The following PCYOX1 variants were observed in gnomAD, a reference collection of about 807,000 sequenced individuals.
The protein encoded by PCYOX1 is prenylcysteine oxidase 1.
Under a neutral mutation model 46.4 loss-of-function variants are expected in PCYOX1, and 46 were observed. That is an observed-to-expected ratio of 0.99 (90% CI 0.78 to 1.27). The LOEUF is 1.27. PCYOX1 is among the 50% of genes most tolerant of loss of function. The pLI is 0.00. For missense variants in PCYOX1, 658 were observed against 628.3 expected (o/e 1.05, Z -0.51); for synonymous variants, 220 against 231.8 (o/e 0.95, Z 0.46).
chr2:70,275,376 G>T, intron 4 of PCYOX1, 138 bp from the exon 5 acceptor site: 1 of 906,448 alleles, frequency 1.1e-6, no homozygotes. Flanking sequence ...TTCTTAACTG[G>T]GGGAGATTTT....
At chr2:70,269,724 G>A (rs1482598191) in intron 3 of PCYOX1, among the ~76,000 whole-genome samples, 1 of 151,938 alleles carries the variant, frequency 6.6e-6, no homozygotes, top group Admixed American at 6.6e-5. Flanking sequence ...AATTGCCACA[G>A]ATTTTTTTTT....
chr2:70,264,297 A>G (rs928667502), intron 3 of PCYOX1, among the ~76,000 whole-genome samples: 1 of 147,422 alleles, frequency 6.8e-6, no homozygotes, highest in African/African-American at 2.5e-5. Flanking sequence ...CTTGCTTGAG[A>G]TGTAGAGAAT....
intron 3 of PCYOX1, among the ~76,000 whole-genome samples, chr2:70,267,824 T>G (rs930961519): frequency 6.6e-6 from 1 of 151,840 alleles, no homozygotes; most frequent in East Asian, 1.9e-4. Context: ...AGCTGTTTTT[T>G]GTTTTGAGAC....
In PCYOX1 at chr2:70,278,954, C is replaced by T. The variant is rs182370221; in HGVS notation, c.*1562C>T. 7 of 152,026 alleles carry T rather than the reference C, an allele frequency of 4.6e-5. No homozygotes were observed. The East Asian group carries it at 9.7e-4, about 21-fold the overall frequency. The allele number at this position is 152,026 out of a possible 1,614,324, so 9.4% of individuals were successfully genotyped here. The stretch of plus-strand genomic sequence containing the variant: ...TACAAAAAATTTTTAAAAAGTTGGC[C>T]AGGCATGGTAATGCGCGCCTGTGGT... On this transcript the variant is annotated 3_prime_UTR_variant, in exon 6 of 6. Transcript: ENST00000433351.
intron 2 of PCYOX1, 82 bp from the exon 3 acceptor site, chr2:70,261,130 A>G (rs941578687): frequency 1.1e-5 from 9 of 813,370 alleles, no homozygotes; most frequent in Non-Finnish European, 1.8e-5. Flanking sequence ...AACTGAGGGA[A>G]GCCCCAAATT....
chr2:70,260,649 A>G (rs1313723856), intron 2 of PCYOX1, among the ~76,000 whole-genome samples: 1 of 152,268 alleles, frequency 6.6e-6, no homozygotes, highest in African/African-American at 2.4e-5. Context: ...GGAGCTGGAT[A>G]GGTCATGGGG....
chr2:70,263,837 T>A (rs1005542335), intron 3 of PCYOX1, among the ~76,000 whole-genome samples: 4 of 151,874 alleles, frequency 2.6e-5, no homozygotes, highest in Non-Finnish European at 5.9e-5. Flanking sequence ...TTTTTTGTAT[T>A]TTTAGTAGAG....
chr2:70,260,205 A>C (rs1294752587), intron 2 of PCYOX1, among the ~76,000 whole-genome samples: 1 of 152,180 alleles, frequency 6.6e-6, no homozygotes. Context: ...TTTGCAGCTG[A>C]GTAAATGAGA....
rs755213800 is a variant in PCYOX1, at chr2:70,259,594, C to T, written c.319+28C>T. 8.7e-6 allele frequency: 13 copies of T among 1,493,888 alleles called. No individual in the cohort carries two copies. In the South Asian group the frequency reaches 1.4e-4, roughly 16 times the overall value. The allele number at this position is 1,493,888 out of a possible 1,614,324, so 92.5% of individuals were successfully genotyped here. ...ATGTAATTTTGGTCTTGGAGCTCACCAGATTACTGTGTGACATCCCCGGAT... is the reference window on the plus strand; with the variant it reads ...ATGTAATTTTGGTCTTGGAGCTCACTAGATTACTGTGTGACATCCCCGGAT... On this transcript the variant is annotated intron_variant, in intron 2 of 5. Transcript: ENST00000433351.
chr2:70,274,843 C>A lies in PCYOX1; in HGVS notation c.495-116C>A, dbSNP rs1313648067. 27 of 714,202 alleles carry A rather than the reference C, an allele frequency of 3.8e-5. No individual in the cohort carries two copies. The East Asian group carries it at 6.1e-4, about 16-fold the overall frequency. The allele number at this position is 714,202 out of a possible 1,614,324, so 44.2% of individuals were successfully genotyped here. The stretch of plus-strand genomic sequence containing the variant: ...CCTCCCAAAGTGTGGGGATTATAGG[C>A]GTGAGCCACTGCACCTAGATGTCAG... On this transcript the variant is annotated intron_variant, in intron 3 of 5. Transcript: ENST00000433351.
chr2:70,276,939 T>C lies in PCYOX1; in HGVS notation c.1065T>C (p.Ser355=). 1 of 1,611,906 alleles carries C rather than the reference T, an allele frequency of 6.2e-7. No homozygotes were observed. Among genetic ancestry groups the C allele is most frequent in the Non-Finnish European group, 8.5e-7 (1 of 1,177,986 alleles). Residue 355 remains serine, a synonymous_variant, in exon 6 of 6, where the codon TCT becomes TCC. Coordinates refer to ENST00000433351, the MANE Select transcript of PCYOX1 (RefSeq NM_016297.4). ...TAGTTAAGGGGGAATTGAATACATC[T>C]ATCTTTAGCTCTAGACCCATAGATA... is the stretch of plus-strand genomic sequence containing the variant. ...TTLVKGELNT[S]IFSSRPIDKF...
At chr2:70,271,007 G>A (rs1215693484) in intron 3 of PCYOX1, among the ~76,000 whole-genome samples, 2 of 152,138 alleles carry the variant, frequency 1.3e-5, no homozygotes, top group Non-Finnish European at 2.9e-5. Flanking sequence ...GATTACAGGC[G>A]TGAGCCACTG....
chr2:70,264,198 C>T (rs1355680303), intron 3 of PCYOX1, among the ~76,000 whole-genome samples: 2 of 151,158 alleles, frequency 1.3e-5, no homozygotes, highest in African/African-American at 4.9e-5. Context: ...TTCCTGGGCT[C>T]GAGTGTTCCA....
At chr2:70,272,214 C>T (rs1426488688) in intron 3 of PCYOX1, among the ~76,000 whole-genome samples, 3 of 150,966 alleles carry the variant, frequency 2.0e-5, no homozygotes, top group African/African-American at 7.3e-5. Context: ...GCAACCTCTA[C>T]CTCCCAGGTT....
chr2:70,266,632 C>G (rs953207942), intron 3 of PCYOX1, among the ~76,000 whole-genome samples: 42 of 151,942 alleles, frequency 2.8e-4, no homozygotes, highest in African/African-American at 9.4e-4. Flanking sequence ...GTGTTTGTGT[C>G]CCTGGGTACT....
chr2:70,264,078 T>C (rs1324504661), intron 3 of PCYOX1, among the ~76,000 whole-genome samples: 2 of 149,634 alleles, frequency 1.3e-5, no homozygotes, highest in African/African-American at 4.9e-5. Flanking sequence ...TCTGCCTACC[T>C]TAGCCTCTGT....
intron 3 of PCYOX1, 108 bp downstream of exon 3, chr2:70,261,494 C>T (rs1406641424): frequency 1.4e-6 from 1 of 735,146 alleles, no homozygotes; most frequent in East Asian, 2.6e-5. Context: ...TACCTCACAG[C>T]AAGGCCTGTT....
chr2:70,259,617 G>A, intron 2 of PCYOX1, 51 bp downstream of exon 2: 3 of 1,326,920 alleles, frequency 2.3e-6, no homozygotes, highest in Non-Finnish European at 3.2e-6. Context: ...GACATCCCCG[G>A]ATATTTTTAT....
At position 70,276,790 on chromosome 2, in the gene PCYOX1, G is replaced by A; in HGVS notation, c.916G>A (p.Asp306Asn). The A allele has an allele frequency of 6.2e-7, 1 of 1,612,334 alleles. No individual in the cohort carries two copies. Among genetic ancestry groups the A allele is most frequent in the East Asian group, 2.2e-5 (1 of 44,868 alleles). ...CCAAATTGGAACTGAGACTCGTTCA[G>A]ACTTCTATGACATCGTCTTGGTGGC... ...VYQIGTETRS[D>N]FYDIVLVATP... Residue 306 changes from aspartate (D) to asparagine (N), a missense_variant, in exon 6 of 6, where the codon GAC becomes AAC. Asp to Asn is a conservative substitution (Grantham distance 23). Transcript: ENST00000433351.
Sources: allele counts gnomAD v4.1 joint callset (sites outside exome capture counted in the v4.1 genomes callset), GRCh38; gene constraint gnomAD v4.1.1; transcripts MANE v1.5; gene names NCBI Gene and HGNC (gene_info 2026-07-23, HGNC 2026-07-21).